The following NTRK2 variants were observed in gnomAD, a reference collection of about 807,000 sequenced individuals.
NTRK2 encodes the protein BDNF/NT-3 growth factors receptor.
NTRK2 carries 13 observed loss-of-function variants against 94.5 expected under a neutral mutation model. The ratio of observed to expected loss-of-function variants is 0.14; its 90% CI spans 0.09 to 0.22. The LOEUF (loss-of-function observed/expected upper bound fraction) is 0.22, where lower values mean the gene tolerates loss of function less well. Ranked by LOEUF, NTRK2 falls within the 10% of genes least tolerant of loss-of-function variation. NTRK2 has a pLI of 1.00. For synonymous variants in NTRK2, 372 were observed against 407.4 expected, an observed-to-expected ratio of 0.91 and a Z score of 1.05; for missense variants, 639 against 1,071.2, an observed-to-expected ratio of 0.60 and a Z score of 5.63.
At chr9:84,763,458 GT>G (rs796686464) in intron 12 of NTRK2, among the ~76,000 whole-genome samples, 2,818 of 147,886 alleles carry the variant, frequency 0.019, 78 homozygotes, top group African/African-American at 0.065. Flanking sequence ...GTGGATCTTG[GT>G]TTTTTTTTTC....
chr9:84,893,055 A>G (rs1479775382), intron 14 of NTRK2, among the ~76,000 whole-genome samples: 3 of 151,666 alleles, frequency 2.0e-5, no homozygotes, highest in African/African-American at 7.3e-5. Flanking sequence ...AATGAAATAC[A>G]CTAGCCTTAC....
At chr9:84,699,875 T>G (rs1359604387) in intron 2 of NTRK2, among the ~76,000 whole-genome samples, 3 of 152,178 alleles carry the variant, frequency 2.0e-5, no homozygotes, top group Non-Finnish European at 4.4e-5. Flanking sequence ...TTCTATTGAA[T>G]AAAACCGGGG....
At chr9:84,901,628 A>C (rs989797016) in intron 14 of NTRK2, among the ~76,000 whole-genome samples, 2 of 152,196 alleles carry the variant, frequency 1.3e-5, no homozygotes, top group African/African-American at 4.8e-5. Context: ...GTTATTGTGA[A>C]GAGCATATTG....
chr9:84,856,674 G>A (rs1275271566), intron 12 of NTRK2, among the ~76,000 whole-genome samples: 1 of 152,118 alleles, frequency 6.6e-6, no homozygotes, highest in East Asian at 1.9e-4. Context: ...AGAAGTTGGA[G>A]GTGAAGTCCA....
At chr9:84,818,051 A>G (rs1025038367) in intron 12 of NTRK2, among the ~76,000 whole-genome samples, 1 of 152,210 alleles carries the variant, frequency 6.6e-6, no homozygotes, top group African/African-American at 2.4e-5. Flanking sequence ...CTAAGAGATA[A>G]TGATAGGTAA....
At chr9:84,697,024 A>G (rs563765234) in intron 2 of NTRK2, among the ~76,000 whole-genome samples, 4 of 152,310 alleles carry the variant, frequency 2.6e-5, no homozygotes, top group African/African-American at 7.2e-5. Flanking sequence ...AAGGCCACCA[A>G]TGATTCCTGG....
intron 12 of NTRK2, among the ~76,000 whole-genome samples, chr9:84,783,237 C>T (rs1314248542): frequency 6.6e-6 from 1 of 152,194 alleles, no homozygotes; most frequent in Non-Finnish European, 1.5e-5. Context: ...ACTTTCCCTT[C>T]TTGACAGTGC....
intron 2 of NTRK2, 49 bp downstream of exon 2, chr9:84,671,009 G>C (rs199855609): frequency 1.7e-5 from 26 of 1,568,260 alleles, no homozygotes; most frequent in Non-Finnish European, 2.3e-5. Context: ...CCTAGGGCCC[G>C]AGCTGGCCAG....
chr9:85,021,532 C>T lies in NTRK2; in HGVS notation c.*95C>T. The T allele has an allele frequency of 3.4e-6, 4 of 1,168,788 alleles. No homozygotes were observed. The highest frequency in any genetic ancestry group is 5.1e-6 in the Non-Finnish European group (4 of 777,982). The allele number at this position is 1,168,788 out of a possible 1,614,324, so 72.4% of individuals were successfully genotyped here. Reference sequence around the variant, plus strand: ...ACTGCCGCTGGAGGCCACCAAGCTGCTCTCCTTCACTCTGACAGTATTAAC... The same window carrying T: ...ACTGCCGCTGGAGGCCACCAAGCTGTTCTCCTTCACTCTGACAGTATTAAC... On this transcript the variant is annotated 3_prime_UTR_variant, in exon 19 of 19. Transcript: ENST00000277120.
At chr9:84,803,207 C>T (rs933461163) in intron 12 of NTRK2, among the ~76,000 whole-genome samples, 16 of 152,186 alleles carry the variant, frequency 1.1e-4, no homozygotes, top group African/African-American at 3.6e-4. Flanking sequence ...GGAAGTTCTA[C>T]TAATGGTTGC....
intron 2 of NTRK2, among the ~76,000 whole-genome samples, chr9:84,673,842 A>G (rs143565044): frequency 6.6e-6 from 1 of 152,348 alleles, no homozygotes; most frequent in African/African-American, 2.4e-5. Context: ...ATATCTATCT[A>G]TAGGTATGTA....
At chr9:84,797,767 A>AT (rs2069705850) in intron 12 of NTRK2, among the ~76,000 whole-genome samples, 2 of 19,892 alleles carry the variant, frequency 1.0e-4, no homozygotes, top group African/African-American at 3.2e-4. Flanking sequence ...ATACTATAAT[A>AT]ATATATATAA....
At chr9:84,780,694 A>G (rs1196831484) in intron 12 of NTRK2, among the ~76,000 whole-genome samples, 2 of 152,242 alleles carry the variant, frequency 1.3e-5, no homozygotes, top group Non-Finnish European at 2.9e-5. Flanking sequence ...AAAAAGAGAA[A>G]GAGACACCTT....
chr9:84,998,307 C>T (rs1350304820), intron 17 of NTRK2, among the ~76,000 whole-genome samples: 1 of 152,178 alleles, frequency 6.6e-6, no homozygotes, highest in East Asian at 1.9e-4. Context: ...TTCTTCTTGA[C>T]CCCCAACCTG....
At chr9:85,013,843 G>GAAA (rs1343226493) in intron 17 of NTRK2, among the ~76,000 whole-genome samples, 1 of 152,178 alleles carries the variant, frequency 6.6e-6, no homozygotes, top group Non-Finnish European at 1.5e-5. Flanking sequence ...AGGATGTTTG[G>GAAA]CTTCCAAATA....
intron 12 of NTRK2, among the ~76,000 whole-genome samples, chr9:84,854,424 G>A (rs188050452): frequency 1.3e-5 from 2 of 152,140 alleles, no homozygotes; most frequent in East Asian, 3.9e-4. Context: ...CTGTTTCTAG[G>A]GGAGCTGGTC....
intron 16 of NTRK2, among the ~76,000 whole-genome samples, chr9:84,949,920 T>C (rs1381803748): frequency 6.6e-6 from 1 of 152,200 alleles, no homozygotes; most frequent in East Asian, 1.9e-4. Context: ...TTTGAAACAG[T>C]AAAGCTAACT....
intron 2 of NTRK2, among the ~76,000 whole-genome samples, chr9:84,682,624 C>A (rs2059458220): frequency 6.6e-6 from 1 of 152,150 alleles, no homozygotes; most frequent in African/African-American, 2.4e-5. Flanking sequence ...TCCCTCCCAC[C>A]ATGTACTCCC....
At chr9:84,769,010 C>A (rs968373238) in intron 12 of NTRK2, among the ~76,000 whole-genome samples, 2 of 152,100 alleles carry the variant, frequency 1.3e-5, no homozygotes, top group Non-Finnish European at 2.9e-5. Flanking sequence ...GGATTCTTAC[C>A]AATCCAAGGC....
Sources: gnomAD v4.1 joint callset for allele counts (sites outside exome capture counted in the v4.1 genomes callset) on GRCh38, gnomAD v4.1.1 for gene constraint, MANE v1.5 for transcripts, NCBI Gene and HGNC (gene_info 2026-07-23, HGNC 2026-07-21) for gene names.